DNAAF9: variants seen among roughly 807,000 people sequenced by gnomAD.
DNAAF9 encodes the protein dynein axonemal assembly factor 9.
DNAAF9 carries 90 observed loss-of-function variants against 167.0 expected under a neutral mutation model. The ratio of observed to expected loss-of-function variants is 0.54; its 90% CI spans 0.45 to 0.64. DNAAF9 has a LOEUF of 0.64. Among genes scored for constraint, DNAAF9 ranks in the 30% least tolerant of loss-of-function variants. The pLI is 0.00. For missense variants in DNAAF9, 1,315 were observed against 1,442.2 expected, an observed-to-expected ratio of 0.91 and a Z score of 1.43; for synonymous variants, 491 against 508.8, an observed-to-expected ratio of 0.96 and a Z score of 0.47.
At chr20:3,293,920 T>C (rs1176445748) in intron 25 of DNAAF9, among the ~76,000 whole-genome samples, 3 of 152,258 alleles carry the variant, frequency 2.0e-5, no homozygotes, top group Non-Finnish European at 4.4e-5. Context: ...GTTTTGTCAC[T>C]GTCATGAGGC....
intron 20 of DNAAF9, 47 bp downstream of exon 20, chr20:3,314,986 T>C: frequency 2.0e-6 from 2 of 1,002,468 alleles, no homozygotes; most frequent in Non-Finnish European, 3.2e-6. Flanking sequence ...CATCTGCAAA[T>C]GAGGGACCCA....
intron 27 of DNAAF9, 27 bp from the exon 28 acceptor site, chr20:3,281,793 A>C: frequency 1.3e-6 from 2 of 1,598,430 alleles, no homozygotes; most frequent in Non-Finnish European, 1.7e-6. Flanking sequence ...AGGAATGATT[A>C]GTTCACTGAC....
chr20:3,313,847 G>A, intron 20 of DNAAF9, among the ~76,000 whole-genome samples: 1 of 152,142 alleles, frequency 6.6e-6, no homozygotes, highest in South Asian at 2.1e-4. Context: ...TCAGAGGGTG[G>A]AGCCATGAGC....
At chr20:3,314,553 T>A (rs183593234) in intron 20 of DNAAF9, among the ~76,000 whole-genome samples, 200 of 152,286 alleles carry the variant, frequency 1.3e-3, no homozygotes, top group African/African-American at 4.4e-3. Flanking sequence ...GAGAAGATTC[T>A]TCCCCAGAGG....
At chr20:3,369,933 C>A (rs189738911) in intron 6 of DNAAF9, among the ~76,000 whole-genome samples, 37 of 151,970 alleles carry the variant, frequency 2.4e-4, no homozygotes, top group Non-Finnish European at 4.6e-4. Context: ...TTCTTCTATA[C>A]CTTAAATTAT....
intron 20 of DNAAF9, among the ~76,000 whole-genome samples, chr20:3,305,730 G>A (rs1175235167): frequency 1.3e-5 from 2 of 152,132 alleles, no homozygotes; most frequent in Non-Finnish European, 2.9e-5. Context: ...GGGAGAAGGA[G>A]GCAGTTTTTA....
intron 4 of DNAAF9, among the ~76,000 whole-genome samples, chr20:3,375,415 T>A (rs569708573): frequency 3.3e-5 from 5 of 152,218 alleles, no homozygotes; most frequent in African/African-American, 4.8e-5. Context: ...TGGGAGGAAG[T>A]GTTCTTGACC....
chr20:3,332,531 G>T (rs574350768), intron 10 of DNAAF9, among the ~76,000 whole-genome samples, 170 bp from the exon 11 acceptor site: 1 of 150,620 alleles, frequency 6.6e-6, no homozygotes, highest in South Asian at 2.1e-4. Context: ...TCAGATCATT[G>T]CAACCTCCAC....
At chr20:3,378,977 G>A (rs2083610791) in intron 3 of DNAAF9, among the ~76,000 whole-genome samples, 1 of 151,606 alleles carries the variant, frequency 6.6e-6, no homozygotes. Context: ...AGGTGGAATG[G>A]AGGCCCCTCT....
intron 25 of DNAAF9, among the ~76,000 whole-genome samples, chr20:3,293,557 T>A (rs1487191213): frequency 3.3e-5 from 5 of 150,498 alleles, no homozygotes. Context: ...TGGTGGTGCA[T>A]GCCTGTAATC....
At chr20:3,252,750 C>G in intron 36 of DNAAF9, 66 bp from the exon 37 acceptor site, 1 of 962,532 alleles carries the variant, frequency 1.0e-6, no homozygotes, top group South Asian at 1.3e-5. Context: ...GAGCCCAGAG[C>G]GGCCTGTAGG....
At chr20:3,393,155 TG>T (rs1420784644) in intron 1 of DNAAF9, among the ~76,000 whole-genome samples, 2 of 152,134 alleles carry the variant, frequency 1.3e-5, no homozygotes, top group Non-Finnish European at 2.9e-5. Flanking sequence ...TCACTAATGA[TG>T]TTGAATACCT....
rs150852853 is a variant in DNAAF9, at chr20:3,281,505, T to C, written c.2612+136A>G. On this transcript the variant is annotated intron_variant, in intron 28 of 36. Coordinates refer to ENST00000252032, the MANE Select transcript of DNAAF9 (RefSeq NM_001009984.3). ...TTGGCTATAAGTCCAAAGGGGTCTA[T>C]TGAGGACCTAGCACTAATAAAAGAA... The C allele has an allele frequency of 7.1e-6, 5 of 706,060 alleles. No individual in the cohort carries two copies. The African/African-American group carries it at 7.4e-5, about 10-fold the overall frequency. 43.7% of individuals were successfully genotyped at this position (706,060 alleles called of 1,614,324 possible). A position where few individuals can be genotyped will look rare whatever the true frequency, so the allele number is the denominator to read the frequency against.
intron 1 of DNAAF9, among the ~76,000 whole-genome samples, chr20:3,390,263 G>C (rs2083808096): frequency 6.6e-6 from 1 of 151,620 alleles, no homozygotes; most frequent in Non-Finnish European, 1.5e-5. Context: ...TGACATAAAA[G>C]AAGACAGATT....
chr20:3,334,600 T>C (rs1309532822), intron 10 of DNAAF9, among the ~76,000 whole-genome samples: 1 of 152,254 alleles, frequency 6.6e-6, no homozygotes, highest in Non-Finnish European at 1.5e-5. Context: ...ATGGTAAGGC[T>C]ATATTTAGTT....
chr20:3,395,029 G>A (rs2083885302), intron 1 of DNAAF9, among the ~76,000 whole-genome samples: 3 of 127,076 alleles, frequency 2.4e-5, no homozygotes, highest in Non-Finnish European at 4.8e-5. Flanking sequence ...GTGCAGTGGC[G>A]CGATCTCGAC....
At chr20:3,397,244 T>C (rs1470544629) in intron 1 of DNAAF9, among the ~76,000 whole-genome samples, 1 of 133,174 alleles carries the variant, frequency 7.5e-6, no homozygotes, top group Admixed American at 7.5e-5. Context: ...TGAGACCCCG[T>C]ATCAAAAAAA....
chr20:3,350,823 T>C (rs1318442555), intron 7 of DNAAF9, among the ~76,000 whole-genome samples: 1 of 152,200 alleles, frequency 6.6e-6, no homozygotes, highest in Non-Finnish European at 1.5e-5. Flanking sequence ...TCACTGAAGA[T>C]GGTAGTAATT....
chr20:3,316,890 C>CTTTTTTT (rs11424663), intron 17 of DNAAF9, 97 bp from the exon 18 acceptor site: 9 of 250,658 alleles, frequency 3.6e-5, no homozygotes, highest in African/African-American at 6.7e-5. Flanking sequence ...AGCTAGGGTT[C>CTTTTTTT]TTTTTTTTTT....
Sources: gnomAD v4.1 joint callset for allele counts (sites outside exome capture counted in the v4.1 genomes callset) on GRCh38, gnomAD v4.1.1 for gene constraint, MANE v1.5 for transcripts, NCBI Gene and HGNC (gene_info 2026-07-23, HGNC 2026-07-21) for gene names.